POLQ: variants seen among roughly 807,000 people sequenced by gnomAD.
The protein encoded by POLQ is epididymis secretory sperm binding protein.
In POLQ, 233 loss-of-function variants were observed where a neutral mutation model predicts 259.2. The observed-to-expected ratio is 0.90, with a 90% CI of 0.81 to 1.00. POLQ has a LOEUF of 1.00. POLQ is among the 50% of genes least tolerant of loss of function. The probability of loss-of-function intolerance (pLI) is 0.00; values close to 1 mark genes in which losing one functional copy is unlikely to be tolerated. For missense variants in POLQ, 2,871 were observed against 3,051.6 expected (o/e 0.94, Z 1.39); for synonymous variants, 1,025 against 1,048.8 (o/e 0.98, Z 0.44).
intron 26 of POLQ, among the ~76,000 whole-genome samples, chr3:121,441,681 T>TA (rs2047593580): frequency 6.6e-6 from 1 of 152,224 alleles, no homozygotes; most frequent in Admixed American, 6.5e-5. Flanking sequence ...CTGTTGTGAA[T>TA]AAAGCTGCTA....
chr3:121,529,654 G>C lies in POLQ; in HGVS notation c.1099C>G (p.Gln367Glu), dbSNP rs767320440. The change falls in exon 7 of 30, where the codon CAA (glutamine) becomes GAA (glutamate). Residue 367 changes from glutamine to glutamate, a missense_variant. Gln to Glu is a conservative substitution (Grantham distance 29). This residue lies in a region of POLQ where 783 missense variants were observed against 906.2 expected (regional missense o/e 0.86). Coordinates refer to ENST00000264233, the MANE Select transcript of POLQ (RefSeq NM_199420.4). ...TCCATCCATAACTCACCCTCAGCTT[G>C]ATGATGTAGATTATAAAACTCTCGA... ...IAREFYNLHH[Q>E]AEGLVKPSEC... 5 of 1,613,178 alleles carry C rather than the reference G, an allele frequency of 3.1e-6. No homozygotes were observed. In the African/African-American group the frequency reaches 5.3e-5, roughly 17 times the overall value.
chr3:121,545,682 C>G (rs1280720969), intron 1 of POLQ, 33 bp downstream of exon 1: 1 of 1,523,838 alleles, frequency 6.6e-7, no homozygotes, highest in East Asian at 2.4e-5. Flanking sequence ...GAGCTGCCCC[C>G]GTTGCCCGCG....
chr3:121,542,600 C>A (rs914295214), intron 2 of POLQ, among the ~76,000 whole-genome samples: 4 of 152,088 alleles, frequency 2.6e-5, no homozygotes, highest in Non-Finnish European at 5.9e-5. Flanking sequence ...GAGTTTAAAC[C>A]TTGTCCTGAA....
At position 121,488,714 on chromosome 3, in the gene POLQ, C is replaced by T. The variant is rs576870523; in HGVS notation, c.4217G>A (p.Gly1406Glu). Residue 1406 changes from glycine (G) to glutamate (E), a missense_variant, in exon 16 of 30, where the codon GGG becomes GAG. By Grantham distance (98) the Gly-to-Glu change is moderately conservative. This residue lies in a region of POLQ where 2,080 missense variants were observed against 2,126.0 expected (regional missense o/e 0.98). Coordinates refer to ENST00000264233, the MANE Select transcript of POLQ (RefSeq NM_199420.4). ...GTMKQSSDSH[G>E]VDILTPESPI... ...GCTTTCTGGAGTCAGGATATCAACCCCATGTGAATCACTGCTTTGTTTCAT... is the reference window on the plus strand; with the variant it reads ...GCTTTCTGGAGTCAGGATATCAACCTCATGTGAATCACTGCTTTGTTTCAT... 13 of 1,613,894 alleles carry T rather than the reference C, an allele frequency of 8.1e-6. No homozygotes were observed. The South Asian group carries it at 1.3e-4, about 16-fold the overall frequency.
At chr3:121,454,897 A>G (rs1359092395) in intron 25 of POLQ, among the ~76,000 whole-genome samples, 1 of 152,234 alleles carries the variant, frequency 6.6e-6, no homozygotes, top group African/African-American at 2.4e-5. Flanking sequence ...AGACATCTAC[A>G]GAACTCTCCA....
chr3:121,451,375 A>G (rs140842762), intron 25 of POLQ, among the ~76,000 whole-genome samples: 76 of 151,920 alleles, frequency 5.0e-4, no homozygotes, highest in African/African-American at 1.8e-3. Context: ...TGATTTTTAG[A>G]TTTTTCAGCT....
intron 26 of POLQ, among the ~76,000 whole-genome samples, chr3:121,448,837 C>A (rs1040166112): frequency 2.0e-5 from 3 of 151,986 alleles, no homozygotes; most frequent in Non-Finnish European, 4.4e-5. Flanking sequence ...AACTATATAC[C>A]TTTTTCAGGG....
intron 6 of POLQ, among the ~76,000 whole-genome samples, chr3:121,532,412 AT>A (rs926954629): frequency 1.3e-5 from 2 of 152,068 alleles, no homozygotes; most frequent in African/African-American, 2.4e-5. Flanking sequence ...AAGATCAGTT[AT>A]TTTTTTTAAA....
In POLQ at chr3:121,460,180, T is replaced by G. The variant is rs745359419; in HGVS notation, c.7022A>C (p.His2341Pro). The G allele has an allele frequency of 1.9e-6, 3 of 1,613,690 alleles. No homozygotes were observed. Among genetic ancestry groups the G allele is most frequent in the Non-Finnish European group, 2.5e-6 (3 of 1,179,592 alleles). Residue 2341 changes from histidine (H) to proline (P), a missense_variant, in exon 25 of 30, where the codon CAT becomes CCT. Physicochemically the swap from His to Pro is moderately conservative, Grantham distance 77. Transcript: ENST00000264233. ...AATGAGACGACGATCATGGGATAAA[T>G]GAGCCAAGATCCTCAGTTCAAGCTG... ...YSQLELRILA[H>P]LSHDRRLIQV...
intron 25 of POLQ, among the ~76,000 whole-genome samples, chr3:121,453,534 G>C (rs80114422): frequency 6.6e-6 from 1 of 152,160 alleles, no homozygotes; most frequent in Non-Finnish European, 1.5e-5. Context: ...CCAATACAGA[G>C]AAGAGCTTAA....
At position 121,468,415 on chromosome 3, in the gene POLQ, T is replaced by C. The variant is rs764682640; in HGVS notation, c.6735A>G (p.Thr2245=). 9 of 1,610,088 alleles carry C rather than the reference T, an allele frequency of 5.6e-6. No individual in the cohort carries two copies. The African/African-American group carries it at 9.4e-5, about 17-fold the overall frequency. Residue 2245 remains threonine, a synonymous_variant, in exon 23 of 30, where the codon ACA becomes ACG. Coordinates refer to ENST00000264233, the MANE Select transcript of POLQ (RefSeq NM_199420.4). ...TTGGCACATTCTGAATATTTGGTTC[T>C]GTAAAGGTTATTCGTCCTAAAATCA... is the stretch of plus-strand genomic sequence containing the variant. ...SHTATGRITF[T]EPNIQNVPRD...
intron 5 of POLQ, among the ~76,000 whole-genome samples, chr3:121,534,334 CT>C (rs71619797): frequency 2.3e-3 from 335 of 143,976 alleles, no homozygotes; most frequent in Middle Eastern, 3.6e-3. Flanking sequence ...CATTATTTTA[CT>C]TTTTTTTTTT....
In POLQ at chr3:121,539,568, T is replaced by C. The variant is rs749301740; in HGVS notation, c.496A>G (p.Ile166Val). Residue 166 changes from isoleucine to valine, a missense_variant, in exon 4 of 30, where the codon ATA becomes GTA. By Grantham distance (29) the Ile-to-Val change is conservative. Coordinates refer to ENST00000264233, the MANE Select transcript of POLQ (RefSeq NM_199420.4). ...YLQSLFQEVG[I>V]KVDGYMGSTS... ...CTGCCCATATAACCGTCTACTTTTA[T>C]TCCTACTTCCTGAAACAGACTCTGA... is the stretch of plus-strand genomic sequence containing the variant. The C allele has an allele frequency of 2.5e-6, 4 of 1,612,924 alleles. No homozygotes were observed. The highest frequency in any genetic ancestry group is 3.4e-6 in the Non-Finnish European group (4 of 1,179,188).
At chr3:121,460,000 TGA>T (rs1269786584) in intron 25 of POLQ, 48 bp downstream of exon 25, 3 of 1,386,790 alleles carry the variant, frequency 2.2e-6, no homozygotes, top group East Asian at 4.6e-5. Context: ...TAATTTTTTT[TGA>T]GTCACTAAAT....
At chr3:121,494,394 T>C in intron 14 of POLQ, 3 of 1,562,364 alleles carry the variant, frequency 1.9e-6, no homozygotes, top group South Asian at 2.2e-5. Context: ...ACTCAGCTGC[T>C]TAAGCTGGCC....
chr3:121,456,689 C>T (rs2047741747), intron 25 of POLQ, among the ~76,000 whole-genome samples: 1 of 151,586 alleles, frequency 6.6e-6, no homozygotes, highest in Non-Finnish European at 1.5e-5. Context: ...ATGTGAAGGA[C>T]CTCTTCAAGG....
intron 26 of POLQ, among the ~76,000 whole-genome samples, chr3:121,442,985 A>G (rs1465416398): frequency 3.3e-5 from 5 of 151,912 alleles, no homozygotes; most frequent in African/African-American, 1.2e-4. Context: ...TAGCCTCCCA[A>G]GTGGTTGGGA....
rs528527484 is a variant in POLQ, at chr3:121,525,538, A to G, written c.1109-3389T>C. ...CAGTAGAGGCAGGCACGCTTGGTGTAACTTTACGCAAATACATTATAATTT... is the reference window on the plus strand; with the variant it reads ...CAGTAGAGGCAGGCACGCTTGGTGTGACTTTACGCAAATACATTATAATTT... On this transcript the variant is annotated intron_variant, in intron 7 of 29. Transcript: ENST00000264233. Among the ~76,000 whole-genome samples, 23 of 152,220 alleles carry G rather than the reference A, an allele frequency of 1.5e-4. No homozygotes were observed. In the South Asian group the frequency reaches 4.2e-3, roughly 27 times the overall value.
chr3:121,469,158 A>C (rs2047863078), intron 22 of POLQ, among the ~76,000 whole-genome samples: 1 of 145,008 alleles, frequency 6.9e-6, no homozygotes, highest in African/African-American at 2.6e-5. Flanking sequence ...ACTGTACTCC[A>C]GCCTGGGCAA....
Sources: gnomAD v4.1 joint callset for allele counts (sites outside exome capture counted in the v4.1 genomes callset) on GRCh38, gnomAD v4.1.1 for gene constraint, gnomAD v4.1.1 regional missense constraint, MANE v1.5 for transcripts, NCBI Gene and HGNC (gene_info 2026-07-23, HGNC 2026-07-21) for gene names.